GBX1: variants seen among roughly 807,000 people sequenced by gnomAD.
GBX1 encodes the protein gastrulation brain homeobox 1, also known as homeobox protein GBX-1.
GBX1 carries 9 observed loss-of-function variants against 22.9 expected under a neutral mutation model. The observed-to-expected ratio is 0.39, with a 90% CI of 0.24 to 0.69. The LOEUF (loss-of-function observed/expected upper bound fraction) is 0.69, where lower values mean the gene tolerates loss of function less well. Among genes scored for constraint, GBX1 ranks in the 30% least tolerant of loss-of-function variants. The pLI, the probability that GBX1 is intolerant of heterozygous loss-of-function variation, is 0.43. For synonymous variants in GBX1, 203 were observed against 227.3 expected (o/e 0.89, Z 0.96); for missense variants, 494 against 509.2 (o/e 0.97, Z 0.29).
chr7:151,158,161 G>A (rs889058754), intron 1 of GBX1, among the ~76,000 whole-genome samples: 1 of 152,208 alleles, frequency 6.6e-6, no homozygotes, highest in African/African-American at 2.4e-5. Context: ...GACTAAGTAC[G>A]ATGCTGTAAC....
intron 1 of GBX1, among the ~76,000 whole-genome samples, chr7:151,150,536 G>A (rs1461445000): frequency 1.3e-5 from 2 of 152,166 alleles, no homozygotes; most frequent in Non-Finnish European, 2.9e-5. Context: ...AGGGCACGGG[G>A]AAAGGCTTTA....
Position 151,167,492 on chromosome 7 carries a change from C to CCCGCCG in GBX1, c.51_56dup (p.Gly19_Gly20dup). 6.7e-7 allele frequency: 1 copy of CCCGCCG among 1,487,206 alleles called. No homozygotes were observed. Among genetic ancestry groups the CCCGCCG allele is most frequent in the Non-Finnish European group, 8.9e-7 (1 of 1,127,342 alleles). 92.1% of individuals were successfully genotyped at this position (1,487,206 alleles called of 1,614,324 possible). ...CGATGGAGAAGGCAGTGCCCGGGCC[C>CCCGCCG]CCGCCGCCGCCCCCGCCGTTGCCCC... On this transcript the variant is annotated inframe_insertion, in exon 1 of 2. Coordinates refer to ENST00000297537, the MANE Select transcript of GBX1 (RefSeq NM_001098834.3). This position sits in a 1 kb window ranked among gnomAD's most constrained non-coding sequence, Gnocchi z 5.9.
intron 1 of GBX1, among the ~76,000 whole-genome samples, chr7:151,156,468 A>G (rs1801136914): frequency 6.7e-6 from 1 of 150,076 alleles, no homozygotes; most frequent in South Asian, 2.1e-4. Context: ...ACTTACTACC[A>G]CAGAGTCCTA....
At chr7:151,158,225 T>A (rs1411435233) in intron 1 of GBX1, among the ~76,000 whole-genome samples, 1 of 152,078 alleles carries the variant, frequency 6.6e-6, no homozygotes, top group Non-Finnish European at 1.5e-5. Flanking sequence ...TCCACCTCAC[T>A]CCCACAACTC....
chr7:151,159,617 G>A (rs1801170843), intron 1 of GBX1, among the ~76,000 whole-genome samples: 1 of 152,148 alleles, frequency 6.6e-6, no homozygotes, highest in East Asian at 1.9e-4. Context: ...ATGGACTCAA[G>A]TGATCCACCT....
intron 1 of GBX1, among the ~76,000 whole-genome samples, chr7:151,152,866 G>A (rs555101609): frequency 6.6e-6 from 1 of 152,324 alleles, no homozygotes; most frequent in African/African-American, 2.4e-5. Context: ...GATGCTGAGC[G>A]GCAGGGGCAA....
Position 151,167,433 on chromosome 7 carries a change from C to G in GBX1, c.116G>C (p.Gly39Ala). The G allele has an allele frequency of 6.6e-7, 1 of 1,514,052 alleles. No homozygotes were observed. The highest frequency in any genetic ancestry group is 1.2e-5 in the South Asian group (1 of 80,860). 93.8% of individuals were successfully genotyped at this position (1,514,052 alleles called of 1,614,324 possible). Residue 39 changes from glycine (G) to alanine (A), a missense_variant, in exon 1 of 2, where the codon GGC becomes GCC. Physicochemically the swap from Gly to Ala is moderately conservative, Grantham distance 60. Coordinates refer to ENST00000297537, the MANE Select transcript of GBX1 (RefSeq NM_001098834.3). This position sits in a 1 kb window ranked among gnomAD's most constrained non-coding sequence, Gnocchi z 5.9. ...SLIGPPPPRS[G>A]HLLYTGYPMF... ...GGGGTAGCCGGTGTACAGCAAGTGG[C>G]CGGAGCGCGGCGGCGGCGGCCCGAT...
At chr7:151,160,561 A>G (rs1801179079) in intron 1 of GBX1, among the ~76,000 whole-genome samples, 1 of 152,118 alleles carries the variant, frequency 6.6e-6, no homozygotes, top group African/African-American at 2.4e-5. Flanking sequence ...TACTTCTAAT[A>G]CAGATTCTTT....
At chr7:151,163,699 T>G (rs1801211795) in intron 1 of GBX1, among the ~76,000 whole-genome samples, 1 of 152,248 alleles carries the variant, frequency 6.6e-6, no homozygotes, top group Non-Finnish European at 1.5e-5. Context: ...TAAAAAATTT[T>G]TAATGACATA....
In GBX1 at chr7:151,149,071, G is replaced by C. The variant is rs1009182591; in HGVS notation, c.610C>G (p.Gln204Glu). Reference sequence around the variant, plus strand: ...TCACCGCCTGAGCCCTCTTCCTCCTGTTCGCTGCCTGCTGGGTCTCCTGCT... The same window carrying C: ...TCACCGCCTGAGCCCTCTTCCTCCTCTTCGCTGCCTGCTGGGTCTCCTGCT... Reference protein sequence around the residue: ...ASAGDPAGSEQEEEGSGGDSE... With the variant: ...ASAGDPAGSEEEEEGSGGDSE... Residue 204 changes from glutamine (Q) to glutamate (E), a missense_variant, in exon 2 of 2, where the codon CAG becomes GAG. Transcript: ENST00000297537. 17 of 1,613,418 alleles carry C rather than the reference G, an allele frequency of 1.1e-5. No homozygotes were observed. The highest frequency in any genetic ancestry group is 1.4e-5 in the Non-Finnish European group (16 of 1,180,032).
chr7:151,162,601 C>T (rs1323956670), intron 1 of GBX1, among the ~76,000 whole-genome samples: 6 of 152,178 alleles, frequency 3.9e-5, no homozygotes, highest in Non-Finnish European at 8.8e-5. Flanking sequence ...CCTTAAACTA[C>T]AAATGTTTTC....
At position 151,167,406 on chromosome 7, in the gene GBX1, A is replaced by C. The variant is rs1266157259; in HGVS notation, c.143T>G (p.Met48Arg). The C allele has an allele frequency of 1.9e-5, 28 of 1,511,836 alleles. No homozygotes were observed. Among genetic ancestry groups the C allele is most frequent in the Non-Finnish European group, 2.5e-5 (28 of 1,131,202 alleles). The allele number at this position is 1,511,836 out of a possible 1,614,324, so 93.7% of individuals were successfully genotyped here. ...SGHLLYTGYP[M>R]FMPYRPLVLP... Reference sequence around the variant, plus strand: ...CACGAGCGGCCGGTAGGGCATGAACATGGGGTAGCCGGTGTACAGCAAGTG... The same window carrying C: ...CACGAGCGGCCGGTAGGGCATGAACCTGGGGTAGCCGGTGTACAGCAAGTG... Residue 48 changes from methionine (M) to arginine (R), a missense_variant, in exon 1 of 2, where the codon ATG becomes AGG. Met to Arg is a moderately conservative substitution (Grantham distance 91). This residue lies in a region of GBX1 where 365 missense variants were observed against 340.4 expected (regional missense o/e 1.07). Coordinates refer to ENST00000297537, the MANE Select transcript of GBX1 (RefSeq NM_001098834.3). The surrounding 1 kb of genome is among the most constrained non-coding windows in gnomAD (Gnocchi z 5.9).
chr7:151,167,011 C>T lies in GBX1; in HGVS notation c.538G>A (p.Ala180Thr), dbSNP rs1304716359. ...AGCCCTGGTCGGCCCTAGCACTTAC[C>T]GGGCAGACTTGGAAAAGTCTCTGAG... The part of the protein sequence containing the change: ...HFSETFPSLP[A>T]EGKVYSSDEE... Residue 180 changes from alanine (A) to threonine (T), a missense_variant and splice_region_variant, in exon 1 of 2, where the codon GCA becomes ACA. Around this residue, in one of 3 missense-constraint regions of GBX1, gnomAD observed 365 missense variants for 340.4 expected, o/e 1.07. Coordinates refer to ENST00000297537, the MANE Select transcript of GBX1 (RefSeq NM_001098834.3). This position sits in a 1 kb window ranked among gnomAD's most constrained non-coding sequence, Gnocchi z 5.9. 5.6e-6 allele frequency: 9 copies of T among 1,604,268 alleles called. No individual in the cohort carries two copies. Among genetic ancestry groups the T allele is most frequent in the East Asian group, 2.3e-5 (1 of 43,628 alleles).
chr7:151,167,121 C>A lies in GBX1; in HGVS notation c.428G>T (p.Arg143Leu). 6.2e-7 allele frequency: 1 copy of A among 1,601,776 alleles called. No homozygotes were observed. Among genetic ancestry groups the A allele is most frequent in the Non-Finnish European group, 8.5e-7 (1 of 1,176,114 alleles). ...ARNNPEPGGRRPEGGLEADEL... is the reference protein window; with the variant it reads ...ARNNPEPGGRLPEGGLEADEL... The stretch of plus-strand genomic sequence containing the variant: ...ATCAGCTTCCAGCCCACCCTCTGGG[C>A]GTCGGCCGCCTGGCTCGGGGTTGTT... Residue 143 changes from arginine (R) to leucine (L), a missense_variant, in exon 1 of 2, where the codon CGC becomes CTC. Arg to Leu is a moderately radical substitution (Grantham distance 102). Transcript: ENST00000297537. This position sits in a 1 kb window ranked among gnomAD's most constrained non-coding sequence, Gnocchi z 5.9.
Position 151,157,391 on chromosome 7 carries a change from AG to A in GBX1, c.539-8250del, listed in dbSNP as rs555780026. Among the ~76,000 whole-genome samples the A allele has an allele frequency of 2.1e-4, 32 of 152,320 alleles. No homozygotes were observed. In the South Asian group the frequency reaches 3.5e-3, roughly 17 times the overall value. ...TTCCTCATAGAGCTCTTTCTCGTATAGGTATCAGAGCAAACAGAAAGCCTCA... is the reference window on the plus strand; with the variant it reads ...TTCCTCATAGAGCTCTTTCTCGTATAGTATCAGAGCAAACAGAAAGCCTCA... On this transcript the variant is annotated intron_variant, in intron 1 of 1. Transcript: ENST00000297537.
rs777032330 is a variant in GBX1, at chr7:151,149,033, G to A, written c.648C>T (p.Asp216=). The change falls in exon 2 of 2, where the codon GAC becomes GAT. Residue 216 remains aspartate (D), a synonymous_variant. Coordinates refer to ENST00000297537, the MANE Select transcript of GBX1 (RefSeq NM_001098834.3). ...CCCCTGCAGAACTGTCCAGGAAACC[G>A]TCATCCTCGCTGTCACCGCCTGAGC... ...EEGSGGDSED[D]GFLDSSAGGP... is the part of the protein sequence containing the mutation. The A allele has an allele frequency of 6.8e-5, 110 of 1,613,810 alleles. No homozygotes were observed. Among genetic ancestry groups the A allele is most frequent in the Admixed American group, 3.7e-4 (22 of 59,988 alleles).
rs1225262679 is a variant in GBX1, at chr7:151,148,041, G to C, written c.*548C>G. Among the ~76,000 whole-genome samples, 2 of 152,170 alleles carry C rather than the reference G, an allele frequency of 1.3e-5. No individual in the cohort carries two copies. Among genetic ancestry groups the C allele is most frequent in the Non-Finnish European group, 2.9e-5 (2 of 68,030 alleles). The stretch of plus-strand genomic sequence containing the variant: ...TGCATTTCATTTCTTTGTAAAGAGA[G>C]GCAAGATGGGGCCTACCCCAAAGCA... On this transcript the variant is annotated 3_prime_UTR_variant, in exon 2 of 2. Transcript: ENST00000297537. This position sits in a 1 kb window ranked among gnomAD's most constrained non-coding sequence, Gnocchi z 5.1.
chr7:151,162,355 A>AT (rs1801195556), intron 1 of GBX1, among the ~76,000 whole-genome samples: 1 of 152,222 alleles, frequency 6.6e-6, no homozygotes, highest in South Asian at 2.1e-4. Context: ...TCAGAAATTA[A>AT]TTAATGGTCA....
intron 1 of GBX1, among the ~76,000 whole-genome samples, chr7:151,166,443 G>C (rs1451212252): frequency 6.9e-6 from 1 of 143,894 alleles, no homozygotes; most frequent in Non-Finnish European, 1.5e-5. Flanking sequence ...CTCTGAATCT[G>C]CCAATTCAGA....
Sources: gnomAD v4.1 joint callset for allele counts (sites outside exome capture counted in the v4.1 genomes callset) on GRCh38, gnomAD v4.1.1 for gene constraint, gnomAD v4.1.1 regional missense constraint, Gnocchi (gnomAD v3.1) non-coding constraint, MANE v1.5 for transcripts, NCBI Gene and HGNC (gene_info 2026-07-23, HGNC 2026-07-21) for gene names.